Variants in TESMIN observed in about 807,000 individuals in gnomAD.
TESMIN encodes the protein testis expressed metallothionein like protein.
In TESMIN, 34 loss-of-function variants were observed where a neutral mutation model predicts 47.4. That is an observed-to-expected ratio of 0.72 (90% CI 0.55 to 0.96). The LOEUF is 0.96. TESMIN is among the 40% of genes least tolerant of loss of function. The pLI, the probability that TESMIN is intolerant of heterozygous loss-of-function variation, is 0.00. For missense variants in TESMIN, 610 were observed against 637.2 expected (o/e 0.96, Z 0.46); for synonymous variants, 278 against 258.9 (o/e 1.07, Z -0.71).
chr11:68,750,490 C>T lies in TESMIN; in HGVS notation c.171G>A (p.Ala57=), dbSNP rs1946580420. 4 of 1,602,388 alleles carry T rather than the reference C, an allele frequency of 2.5e-6. No homozygotes were observed. Among genetic ancestry groups the T allele is most frequent in the Non-Finnish European group, 3.4e-6 (4 of 1,175,168 alleles). ...HVFKEAYLGP[A]DPKEPVLHAF... Reference sequence around the variant, plus strand: ...CGTGCAGGACGGGTTCCTTGGGGTCCGCCGGGCCCAGGTACGCTTCTTTGA... The same window carrying T: ...CGTGCAGGACGGGTTCCTTGGGGTCTGCCGGGCCCAGGTACGCTTCTTTGA... Residue 57 remains alanine, a synonymous_variant, in exon 2 of 10, where the codon GCG becomes GCA. Transcript: ENST00000255087.
intron 6 of TESMIN, among the ~76,000 whole-genome samples, chr11:68,728,845 AT>A (rs1306428441): frequency 1.3e-5 from 2 of 152,274 alleles, no homozygotes. Flanking sequence ...TGTTTACAGC[AT>A]GATTTACTGA....
intron 6 of TESMIN, among the ~76,000 whole-genome samples, chr11:68,728,407 T>C (rs1004431988): frequency 1.3e-5 from 2 of 152,096 alleles, no homozygotes; most frequent in Non-Finnish European, 2.9e-5. Flanking sequence ...ACATCAAAAA[T>C]TGGAAGCTAG....
intron 2 of TESMIN, among the ~76,000 whole-genome samples, chr11:68,748,679 T>A (rs1239191026): frequency 6.6e-6 from 1 of 152,246 alleles, no homozygotes; most frequent in Admixed American, 6.5e-5. Context: ...GATAAACATG[T>A]CTGTGCTGTA....
At chr11:68,738,214 A>C in intron 6 of TESMIN, 1 of 987,476 alleles carries the variant, frequency 1.0e-6, no homozygotes, top group Non-Finnish European at 1.2e-6. Flanking sequence ...CCACCTGGAG[A>C]TGTGAAGACA....
Position 68,736,802 on chromosome 11 carries a change from G to C in TESMIN, c.917+1898C>G, listed in dbSNP as rs970214708. ...GGGGGAGGAGAACAAAGAGGAGGAG[G>C]AGGGGACGAGAAGAGGAAGGAGGAG... On this transcript the variant is annotated intron_variant, in intron 6 of 9. Transcript: ENST00000255087. 4.1e-6 allele frequency: 4 copies of C among 974,652 alleles called. No homozygotes were observed. In the African/African-American group the frequency reaches 7.0e-5, roughly 17 times the overall value. The allele number at this position is 974,652 out of a possible 1,614,324, so 60.4% of individuals were successfully genotyped here.
chr11:68,750,866 T>G (rs1039564637), intron 1 of TESMIN, among the ~76,000 whole-genome samples, 167 bp from the exon 2 acceptor site: 1 of 6,188 alleles, frequency 1.6e-4, no homozygotes, highest in Admixed American at 2.5e-3. Context: ...GAGGGCCAGG[T>G]GAGGGGCCCG....
chr11:68,747,325 A>C lies in TESMIN; in HGVS notation c.513T>G (p.Asn171Lys), dbSNP rs1946534451. The C allele has an allele frequency of 6.2e-7, 1 of 1,613,924 alleles. No homozygotes were observed. Among genetic ancestry groups the C allele is most frequent in the African/African-American group, 1.3e-5 (1 of 74,938 alleles). The change falls in exon 3 of 10, where the codon AAT becomes AAG. Residue 171 changes from asparagine (N) to lysine (K), a missense_variant. Transcript: ENST00000255087. ...KEAGGTTTSN[N>K]PEEATLQNLL... ...GATTCTGCAAAGTTGCTTCTTCCGG[A>C]TTATTACTTGTAGTAGTACCACCTG...
At chr11:68,711,183 G>A in intron 8 of TESMIN, 134 bp from the exon 9 acceptor site, 1 of 780,240 alleles carries the variant, frequency 1.3e-6, no homozygotes, top group Non-Finnish European at 2.0e-6. Context: ...GTCTGTGTGT[G>A]TTGAGTGTGA....
intron 7 of TESMIN, 86 bp from the exon 8 acceptor site, chr11:68,713,493 G>A: frequency 6.8e-7 from 1 of 1,472,190 alleles, no homozygotes; most frequent in Non-Finnish European, 9.3e-7. Context: ...GAATCTGATT[G>A]TTGTAAAAGA....
At chr11:68,741,560 G>A (rs1946456619) in intron 5 of TESMIN, among the ~76,000 whole-genome samples, 2 of 152,216 alleles carry the variant, frequency 1.3e-5, no homozygotes, top group South Asian at 2.1e-4. Flanking sequence ...AGCTGCAGGA[G>A]GGCGGAGTTG....
At chr11:68,718,717 C>CT (rs1946170719) in intron 6 of TESMIN, among the ~76,000 whole-genome samples, 1 of 152,136 alleles carries the variant, frequency 6.6e-6, no homozygotes, top group Non-Finnish European at 1.5e-5. Context: ...AGATGATCCT[C>CT]TATGGTTCTA....
At chr11:68,731,759 C>G (rs551535657) in intron 6 of TESMIN, among the ~76,000 whole-genome samples, 1 of 152,178 alleles carries the variant, frequency 6.6e-6, no homozygotes, top group Non-Finnish European at 1.5e-5. Context: ...GACACCAGCA[C>G]GAGGTCAGGG....
At chr11:68,715,741 T>G in intron 7 of TESMIN, 96 bp downstream of exon 7, 1 of 914,014 alleles carries the variant, frequency 1.1e-6, no homozygotes, top group Non-Finnish European at 1.6e-6. Context: ...AAACTGTGGG[T>G]TTTTTCCAAT....
chr11:68,738,212 A>T (rs1946410646), intron 6 of TESMIN: 1 of 987,558 alleles, frequency 1.0e-6, no homozygotes, highest in African/African-American at 1.7e-5. Context: ...GTCCACCTGG[A>T]GATGTGAAGA....
intron 6 of TESMIN, among the ~76,000 whole-genome samples, chr11:68,726,903 C>T (rs921666763): frequency 1.3e-5 from 2 of 150,940 alleles, no homozygotes; most frequent in Admixed American, 1.3e-4. Flanking sequence ...CATAATGAGA[C>T]CCTATTTCTA....
intron 2 of TESMIN, 114 bp from the exon 3 acceptor site, chr11:68,747,480 G>GCCTAGTAGAGACAGGGTT: frequency 1.1e-6 from 1 of 920,606 alleles, no homozygotes; most frequent in Non-Finnish European, 1.7e-6. Context: ...GTGAAACCCT[G>GCCTAGTAGAGACAGGGTT]TCTCTACTAG....
Position 68,736,016 on chromosome 11 carries a change from C to G in TESMIN, c.917+2684G>C, listed in dbSNP as rs961155810. 3 of 924,252 alleles carry G rather than the reference C, an allele frequency of 3.2e-6. No individual in the cohort carries two copies. In the East Asian group the frequency reaches 3.5e-4, roughly 109 times the overall value. 57.3% of individuals were successfully genotyped at this position (924,252 alleles called of 1,614,324 possible). ...GATGGACTGCTCTCTCAGTGCCCATCTAAAAATTAAAGAGTTAGAAGAGAT... is the reference window on the plus strand; with the variant it reads ...GATGGACTGCTCTCTCAGTGCCCATGTAAAAATTAAAGAGTTAGAAGAGAT... On this transcript the variant is annotated intron_variant, in intron 6 of 9. Transcript: ENST00000255087.
intron 6 of TESMIN, among the ~76,000 whole-genome samples, chr11:68,728,862 T>C (rs1946295155): frequency 6.6e-6 from 1 of 152,212 alleles, no homozygotes; most frequent in Admixed American, 6.5e-5. Context: ...ACTGAATATT[T>C]TAAGTCCACC....
chr11:68,716,426 T>C (rs1946140247), intron 6 of TESMIN, among the ~76,000 whole-genome samples: 1 of 152,240 alleles, frequency 6.6e-6, no homozygotes, highest in Non-Finnish European at 1.5e-5. Flanking sequence ...GCCTAGGCCT[T>C]AACTCGCTTT....
Sources: allele counts gnomAD v4.1 joint callset (sites outside exome capture counted in the v4.1 genomes callset), GRCh38; gene constraint gnomAD v4.1.1; transcripts MANE v1.5; gene names NCBI Gene and HGNC (gene_info 2026-07-23, HGNC 2026-07-21).